MUC7: variants seen among roughly 807,000 people sequenced by gnomAD.
MUC7 encodes the protein mucin-7.
Under a neutral mutation model 2.5 loss-of-function variants are expected in MUC7, and 2 were observed. That is an observed-to-expected ratio of 0.81 (90% confidence interval 0.33 to 2.55). The LOEUF (loss-of-function observed/expected upper bound fraction) is 2.55. Among genes scored for constraint, MUC7 ranks in the 30% most tolerant of loss-of-function variants. The probability of loss-of-function intolerance (pLI) is 0.11; values close to 1 mark genes in which losing one functional copy is unlikely to be tolerated. For missense variants in MUC7, 408 were observed against 455.6 expected (o/e 0.90, Z 0.95); for synonymous variants, 133 against 173.4 (o/e 0.77, Z 1.83).
At chr4:70,455,008 C>G (rs1159377924) in intron 1 of MUC7, among the ~76,000 whole-genome samples, 1 of 152,074 alleles carries the variant, frequency 6.6e-6, no homozygotes, top group Non-Finnish European at 1.5e-5. Flanking sequence ...CAGATAATTT[C>G]AGTGATATTT....
At position 70,481,050 on chromosome 4, in the gene MUC7, C is replaced by T. The variant is rs778025502; in HGVS notation, c.306C>T (p.Asn102=). 6.2e-7 allele frequency: 1 copy of T among 1,614,024 alleles called. No individual in the cohort carries two copies. The highest frequency in any genetic ancestry group is 8.5e-7 in the Non-Finnish European group (1 of 1,180,018). Residue 102 remains asparagine (N), a synonymous_variant, in exon 3 of 3, where the codon AAC becomes AAT. Transcript: ENST00000304887. ...KHPDKNSSVV[N]PTLVATTQIP... ...CAGATAAAAATAGCAGTGTGGTCAA[C>T]CCTACCTTAGTGGCTACAACCCAAA...
At chr4:70,432,178 T>G (rs1444126137) in intron 1 of MUC7, among the ~76,000 whole-genome samples, 2 of 152,256 alleles carry the variant, frequency 1.3e-5, no homozygotes, top group Admixed American at 6.5e-5. Context: ...TCCAAGTCTT[T>G]GCTATTGCGA....
chr4:70,473,912 C>T, intron 1 of MUC7, 95 bp from the exon 2 acceptor site: 4 of 891,726 alleles, frequency 4.5e-6, no homozygotes, highest in Admixed American at 2.1e-5. Context: ...TCTCTTTTTG[C>T]CTGTACTTTC....
At chr4:70,450,001 G>A (rs1304423901) in intron 1 of MUC7, among the ~76,000 whole-genome samples, 1 of 152,226 alleles carries the variant, frequency 6.6e-6, no homozygotes, top group Non-Finnish European at 1.5e-5. Flanking sequence ...ATCAGCAGGT[G>A]GCAAAGCCAG....
At chr4:70,451,362 AC>A (rs1476181193) in intron 1 of MUC7, among the ~76,000 whole-genome samples, 1 of 152,024 alleles carries the variant, frequency 6.6e-6, no homozygotes, top group Non-Finnish European at 1.5e-5. Flanking sequence ...GTTTTCTCTA[AC>A]TCTTCAATGC....
chr4:70,479,293 G>A (rs1297028303), intron 2 of MUC7, among the ~76,000 whole-genome samples: 3 of 152,126 alleles, frequency 2.0e-5, no homozygotes, highest in Non-Finnish European at 4.4e-5. Context: ...TGAGCCTCAC[G>A]ATGGTCCCTG....
At chr4:70,463,594 T>C (rs1301661177) in intron 1 of MUC7, among the ~76,000 whole-genome samples, 2 of 152,220 alleles carry the variant, frequency 1.3e-5, no homozygotes, top group African/African-American at 4.8e-5. Flanking sequence ...TATGATGCTG[T>C]ATCCCATATC....
chr4:70,447,079 A>G (rs1397347521), intron 1 of MUC7, among the ~76,000 whole-genome samples: 5 of 151,986 alleles, frequency 3.3e-5, no homozygotes, highest in Admixed American at 6.6e-5. Flanking sequence ...TGGGCAGGGA[A>G]GAGGGGCAAC....
upstream of MUC7, among the ~76,000 whole-genome samples, chr4:70,470,628 G>T (rs1163572702): frequency 6.6e-6 from 1 of 152,006 alleles, no homozygotes; most frequent in Non-Finnish European, 1.5e-5. Flanking sequence ...ATCACTAATT[G>T]GGTAATAGCA....
intron 2 of MUC7, among the ~76,000 whole-genome samples, chr4:70,478,882 G>A (rs1735086455): frequency 6.6e-6 from 1 of 152,198 alleles, no homozygotes; most frequent in Admixed American, 6.5e-5. Context: ...GAAAACCTAT[G>A]CCCTTTTAAG....
intron 1 of MUC7, among the ~76,000 whole-genome samples, chr4:70,466,753 T>A (rs1188958245): frequency 6.6e-6 from 1 of 152,186 alleles, no homozygotes; most frequent in Non-Finnish European, 1.5e-5. Context: ...TCCAGATTCA[T>A]AAAGCAAGTT....
chr4:70,433,145 G>A (rs1733726054), intron 1 of MUC7, among the ~76,000 whole-genome samples: 1 of 152,178 alleles, frequency 6.6e-6, no homozygotes, highest in South Asian at 2.1e-4. Flanking sequence ...TTGTAGTAAA[G>A]TTTGAAGTCA....
intron 1 of MUC7, 96 bp from the exon 2 acceptor site, chr4:70,473,911 G>T: frequency 5.7e-6 from 5 of 878,038 alleles, no homozygotes; most frequent in Admixed American, 2.1e-5. Flanking sequence ...GTCTCTTTTT[G>T]CCTGTACTTT....
intron 1 of MUC7, among the ~76,000 whole-genome samples, chr4:70,431,123 A>T (rs1242020208): frequency 6.6e-6 from 1 of 152,186 alleles, no homozygotes; most frequent in African/African-American, 2.4e-5. Flanking sequence ...ATAAGAAGAA[A>T]AAAAGACCAC....
intron 1 of MUC7, among the ~76,000 whole-genome samples, chr4:70,465,792 G>A (rs903106934): frequency 1.3e-5 from 2 of 152,140 alleles, no homozygotes; most frequent in African/African-American, 4.8e-5. Flanking sequence ...TGAAAGTGAT[G>A]GGGAGAATGG....
intron 1 of MUC7, among the ~76,000 whole-genome samples, chr4:70,448,333 T>C (rs1450678622): frequency 1.3e-5 from 2 of 152,200 alleles, no homozygotes; most frequent in Non-Finnish European, 2.9e-5. Context: ...GTATGCTAGC[T>C]CAATTTTCAG....
chr4:70,455,489 A>T (rs1734389227), intron 1 of MUC7, among the ~76,000 whole-genome samples: 1 of 152,184 alleles, frequency 6.6e-6, no homozygotes, highest in Non-Finnish European at 1.5e-5. Flanking sequence ...TTTCAATATT[A>T]TCACCCTGTT....
chr4:70,431,795 C>T lies in MUC7; in HGVS notation c.-93+1108C>T, dbSNP rs145957879. ...TAAGTTCTAGGGTACATGTGCACAA[C>T]GCGCAGGTTTCTTACATATGTATAC... On this transcript the variant is annotated intron_variant, in intron 1 of 3. Transcript: ENST00000413702. Among the ~76,000 whole-genome samples, 726 of 151,974 alleles carry T rather than the reference C, an allele frequency of 4.8e-3. 12 individuals are homozygous for T. Among genetic ancestry groups the T allele is most frequent in the East Asian group, 0.037 (191 of 5,182 alleles).
intron 1 of MUC7, among the ~76,000 whole-genome samples, chr4:70,453,075 C>A (rs759582954): frequency 6.6e-6 from 1 of 152,212 alleles, no homozygotes; most frequent in Non-Finnish European, 1.5e-5. Context: ...TAGAGCTCCA[C>A]TGTATGCACA....
Sources: gnomAD v4.1 joint callset for allele counts (sites outside exome capture counted in the v4.1 genomes callset) on GRCh38, gnomAD v4.1.1 for gene constraint, MANE v1.5 for transcripts, NCBI Gene and HGNC (gene_info 2026-07-23, HGNC 2026-07-21) for gene names.